SDK1: variants seen among roughly 807,000 people sequenced by gnomAD.
The protein encoded by SDK1 is protein sidekick-1.
Under a neutral mutation model 245.5 loss-of-function variants are expected in SDK1, and 157 were observed. The observed-to-expected ratio is 0.64, with a 90% CI of 0.56 to 0.73. SDK1 has a LOEUF of 0.73. Among genes scored for constraint, SDK1 ranks in the 30% least tolerant of loss-of-function variants. The pLI is 0.00. For missense variants in SDK1, 3,583 were observed against 3,002.3 expected, an observed-to-expected ratio of 1.19 and a Z score of -4.52; for synonymous variants, 1,647 against 1,278.5, an observed-to-expected ratio of 1.29 and a Z score of -6.15.
rs528880168 is a variant in SDK1 at position 3,975,371 on chromosome 7, G to A, written c.1994+826G>A. Among the ~76,000 whole-genome samples the A allele has an allele frequency of 5.3e-5, 8 of 152,300 alleles. No individual in the cohort carries two copies. In the East Asian group the frequency reaches 5.8e-4, roughly 11 times the overall value. On this transcript the variant is annotated intron_variant, in intron 13 of 44. Transcript: ENST00000404826. ...CCCAGCGCATCCGTCCCTGGTCATC[G>A]TTTGACATGCTGGGCCTTTCGACAA...
At chr7:3,989,715 C>T (rs570147580) in intron 14 of SDK1, among the ~76,000 whole-genome samples, 29 of 152,322 alleles carry the variant, frequency 1.9e-4, no homozygotes, top group Non-Finnish European at 3.2e-4. Flanking sequence ...TGCCGTGGCT[C>T]TTCCCAGCTG....
At chr7:3,501,102 G>A (rs1782196397) in intron 1 of SDK1, among the ~76,000 whole-genome samples, 2 of 152,154 alleles carry the variant, frequency 1.3e-5, no homozygotes, top group Admixed American at 1.3e-4. Context: ...ATAATGCAAA[G>A]TGGCAGACTA....
chr7:3,709,904 G>A (rs955900026), intron 4 of SDK1, among the ~76,000 whole-genome samples: 3 of 152,198 alleles, frequency 2.0e-5, no homozygotes, highest in African/African-American at 7.2e-5. Flanking sequence ...TGCAAGATGG[G>A]CTTTGTGTGA....
At chr7:3,956,081 G>C (rs957540712) in intron 7 of SDK1, among the ~76,000 whole-genome samples, 4 of 152,188 alleles carry the variant, frequency 2.6e-5, no homozygotes, top group African/African-American at 9.7e-5. Context: ...AGAAGTGTTT[G>C]TTTCCATCCC....
Position 3,642,114 on chromosome 7 carries a change from C to G in SDK1, c.713+9C>G. 6.2e-7 allele frequency: 1 copy of G among 1,613,436 alleles called. No homozygotes were observed. Among genetic ancestry groups the G allele is most frequent in the Non-Finnish European group, 8.5e-7 (1 of 1,179,536 alleles). ...ATTCCAAGCAACAGAATGTAAGTTG[C>G]TCCAAACGTTAAAGCTTCAAATACA... On this transcript the variant is annotated intron_variant, in intron 4 of 44. Transcript: ENST00000404826.
chr7:3,906,212 C>G (rs1249074665), intron 5 of SDK1, among the ~76,000 whole-genome samples: 8 of 152,144 alleles, frequency 5.3e-5, no homozygotes, highest in Non-Finnish European at 1.0e-4. Context: ...ATTTGCTACT[C>G]TTCAAATCCA....
At chr7:3,462,996 C>T (rs926518858) in intron 1 of SDK1, among the ~76,000 whole-genome samples, 7 of 152,174 alleles carry the variant, frequency 4.6e-5, no homozygotes, top group Non-Finnish European at 1.0e-4. Flanking sequence ...GCAGCTCCCC[C>T]GTGTGTTCTC....
At chr7:4,037,188 G>A (rs1030356940) in intron 17 of SDK1, among the ~76,000 whole-genome samples, 1 of 152,238 alleles carries the variant, frequency 6.6e-6, no homozygotes, top group African/African-American at 2.4e-5. Context: ...GTTTGAAGAT[G>A]CATGGATGAC....
At chr7:3,820,241 C>T (rs1405771582) in intron 4 of SDK1, among the ~76,000 whole-genome samples, 1 of 152,168 alleles carries the variant, frequency 6.6e-6, no homozygotes, top group East Asian at 1.9e-4. Flanking sequence ...CCTCCGCCTC[C>T]CAGGTTCAAG....
intron 4 of SDK1, among the ~76,000 whole-genome samples, chr7:3,765,013 A>G (rs1274895043): frequency 6.6e-6 from 1 of 152,168 alleles, no homozygotes; most frequent in Non-Finnish European, 1.5e-5. Context: ...TCAGTATAAA[A>G]TGTAATATGG....
rs575952017 is a variant in SDK1, at chr7:3,578,286, AG to A, written c.299-40790del. On this transcript the variant is annotated intron_variant, in intron 1 of 44. Coordinates refer to ENST00000404826, the MANE Select transcript of SDK1 (RefSeq NM_152744.4). ...TCATTAAGGATTTTATTAAGGATTA[AG>A]GGGAGGGGGTGCAAGAACAGGGAGT... is the stretch of plus-strand genomic sequence containing the variant. Among the ~76,000 whole-genome samples the A allele has an allele frequency of 7.2e-5, 11 of 152,140 alleles. No homozygotes were observed. In the South Asian group the frequency reaches 2.3e-3, roughly 32 times the overall value.
intron 5 of SDK1, among the ~76,000 whole-genome samples, chr7:3,880,914 C>T (rs554471342): frequency 6.6e-6 from 1 of 151,926 alleles, no homozygotes; most frequent in Non-Finnish European, 1.5e-5. Flanking sequence ...AGGAAGGCGT[C>T]GAGTTCAGAC....
chr7:3,868,597 C>G (rs926383906), intron 5 of SDK1, among the ~76,000 whole-genome samples: 1 of 152,182 alleles, frequency 6.6e-6, no homozygotes, highest in Non-Finnish European at 1.5e-5. Context: ...CCTGTTCTTT[C>G]ATCTATAATT....
intron 35 of SDK1, among the ~76,000 whole-genome samples, 176 bp downstream of exon 35, chr7:4,178,762 G>T (rs553505216): frequency 6.6e-6 from 1 of 152,368 alleles, no homozygotes; most frequent in Non-Finnish European, 1.5e-5. Context: ...TCAGCTGAGA[G>T]CTGGAATTTC....
intron 2 of SDK1, among the ~76,000 whole-genome samples, chr7:3,628,441 C>T (rs550373408): frequency 1.4e-4 from 22 of 152,198 alleles, no homozygotes; most frequent in African/African-American, 4.8e-4. Flanking sequence ...GTCCTAAGGA[C>T]ATCAGTGTAT....
intron 1 of SDK1, among the ~76,000 whole-genome samples, chr7:3,613,045 C>G (rs1234475036): frequency 2.6e-5 from 4 of 152,148 alleles, no homozygotes; most frequent in African/African-American, 7.2e-5. Context: ...AGTGGAAGCT[C>G]TCTTGGGCAG....
At chr7:4,028,986 G>A (rs148424664) in intron 17 of SDK1, among the ~76,000 whole-genome samples, 3 of 151,944 alleles carry the variant, frequency 2.0e-5, no homozygotes, top group African/African-American at 7.3e-5. Flanking sequence ...TAATTCCCAG[G>A]AAGCCATCAC....
At chr7:3,582,683 T>TAAAAAAAAAAAA (rs71029682) in intron 1 of SDK1, among the ~76,000 whole-genome samples, 19 of 69,680 alleles carry the variant, frequency 2.7e-4, no homozygotes, top group African/African-American at 9.6e-4. Context: ...TAAACTAAAG[T>TAAAAAAAAAAAA]AAAAAAAAAA....
At chr7:4,176,726 G>C (rs1782237471) in intron 34 of SDK1, among the ~76,000 whole-genome samples, 1 of 152,188 alleles carries the variant, frequency 6.6e-6, no homozygotes. Flanking sequence ...CATAGAAGGG[G>C]AATCATGTAG....
Sources: allele counts gnomAD v4.1 joint callset (sites outside exome capture counted in the v4.1 genomes callset), GRCh38; gene constraint gnomAD v4.1.1; transcripts MANE v1.5; gene names NCBI Gene and HGNC (gene_info 2026-07-23, HGNC 2026-07-21).